Variants in TBC1D1 observed in about 807,000 individuals in gnomAD.
TBC1D1 encodes TBC1 (tre-2/USP6, BUB2, cdc16) domain family, member 1.
TBC1D1 carries 89 observed loss-of-function variants against 125.6 expected under a neutral mutation model. The observed-to-expected ratio is 0.71, with a 90% CI of 0.60 to 0.85. The LOEUF (loss-of-function observed/expected upper bound fraction) is 0.85. Ranked by LOEUF, TBC1D1 falls within the 40% of genes least tolerant of loss-of-function variation. TBC1D1 has a pLI of 0.00. For synonymous variants in TBC1D1, 565 were observed against 564.1 expected (o/e 1.00, Z -0.02); for missense variants, 1,377 against 1,469.2 (o/e 0.94, Z 1.03).
chr4:37,992,941 A>AT (rs1451328070), intron 2 of TBC1D1, among the ~76,000 whole-genome samples: 9 of 151,366 alleles, frequency 5.9e-5, no homozygotes, highest in African/African-American at 2.2e-4. Flanking sequence ...AGTAGCCAGG[A>AT]TTACAGGCGT....
chr4:38,021,862 AGTGGGT>A (rs1744111326), intron 6 of TBC1D1, 144 bp downstream of exon 6: 3 of 942,114 alleles, frequency 3.2e-6, no homozygotes, highest in African/African-American at 3.4e-5. Flanking sequence ...CTCAGTGTGC[AGTGGGT>A]GTCTTCTGTA....
chr4:38,072,091 T>C (rs531530537), intron 12 of TBC1D1, among the ~76,000 whole-genome samples: 20 of 152,328 alleles, frequency 1.3e-4, no homozygotes, highest in African/African-American at 4.6e-4. Flanking sequence ...GAGATAGGGC[T>C]AGCAGTAACT....
At chr4:38,056,849 C>T (rs940789747) in intron 12 of TBC1D1, among the ~76,000 whole-genome samples, 4 of 152,076 alleles carry the variant, frequency 2.6e-5, no homozygotes, top group Non-Finnish European at 5.9e-5. Context: ...AAGTTTTTTT[C>T]CCTCGCATAG....
intron 13 of TBC1D1, among the ~76,000 whole-genome samples, chr4:38,094,780 G>A (rs868577876): frequency 1.3e-5 from 2 of 151,058 alleles, no homozygotes; most frequent in Non-Finnish European, 2.9e-5. Context: ...CAGTGCTGCC[G>A]CCAGTTGCAG....
intron 8 of TBC1D1, among the ~76,000 whole-genome samples, chr4:38,036,773 T>C (rs1364727986): frequency 6.6e-6 from 1 of 152,222 alleles, no homozygotes; most frequent in Non-Finnish European, 1.5e-5. Flanking sequence ...TGAGGTCCTT[T>C]AGCAGTGACT....
At chr4:38,045,104 G>T (rs1364839474) in intron 9 of TBC1D1, among the ~76,000 whole-genome samples, 1 of 152,110 alleles carries the variant, frequency 6.6e-6, no homozygotes, top group East Asian at 1.9e-4. Context: ...TCTATAGAAA[G>T]AACAAAGTAC....
intron 12 of TBC1D1, among the ~76,000 whole-genome samples, chr4:38,081,260 C>G (rs1756497978): frequency 6.6e-6 from 1 of 152,140 alleles, no homozygotes. Context: ...TGCTATAGGC[C>G]ACAGAGGAGG....
chr4:37,942,642 C>T (rs1161665805), intron 2 of TBC1D1, among the ~76,000 whole-genome samples: 1 of 151,980 alleles, frequency 6.6e-6, no homozygotes, highest in Admixed American at 6.6e-5. Flanking sequence ...AGGTTCATGC[C>T]ATTCTCCTGC....
At chr4:37,962,080 G>A (rs991964336) in intron 2 of TBC1D1, among the ~76,000 whole-genome samples, 1 of 152,124 alleles carries the variant, frequency 6.6e-6, no homozygotes, top group Non-Finnish European at 1.5e-5. Context: ...CCCCATGAGG[G>A]CAGGGACCAT....
intron 2 of TBC1D1, among the ~76,000 whole-genome samples, chr4:37,922,865 A>G (rs1721304743): frequency 6.6e-6 from 1 of 152,098 alleles, no homozygotes; most frequent in African/African-American, 2.4e-5. Flanking sequence ...TGGAAAAAGA[A>G]TCTCTCACAG....
intron 2 of TBC1D1, among the ~76,000 whole-genome samples, chr4:37,950,672 T>G (rs1727655546): frequency 1.3e-5 from 2 of 149,780 alleles, no homozygotes; most frequent in African/African-American, 4.9e-5. Flanking sequence ...CACATTATTC[T>G]CACCCAAAAT....
chr4:37,982,596 G>A (rs571727604), intron 2 of TBC1D1, among the ~76,000 whole-genome samples: 1 of 152,310 alleles, frequency 6.6e-6, no homozygotes, highest in Admixed American at 6.5e-5. Flanking sequence ...TAGTTGCTTA[G>A]AGTGTGCCAG....
At chr4:38,012,871 G>C (rs1218685721) in intron 2 of TBC1D1, among the ~76,000 whole-genome samples, 1 of 152,072 alleles carries the variant, frequency 6.6e-6, no homozygotes, top group Non-Finnish European at 1.5e-5. Context: ...TCGGCTCACT[G>C]CAACCTCCGC....
chr4:38,090,384 C>A (rs1279511186), intron 13 of TBC1D1, among the ~76,000 whole-genome samples: 1 of 152,168 alleles, frequency 6.6e-6, no homozygotes, highest in African/African-American at 2.4e-5. Flanking sequence ...AGCTTTAAAT[C>A]TAAGCTCTAA....
intron 12 of TBC1D1, among the ~76,000 whole-genome samples, chr4:38,085,559 C>T (rs1215334764): frequency 6.6e-6 from 1 of 152,086 alleles, no homozygotes; most frequent in Admixed American, 6.6e-5. Context: ...GGCACCAACA[C>T]AGTTGGCCCA....
intron 17 of TBC1D1, among the ~76,000 whole-genome samples, chr4:38,122,230 C>G (rs1763969111): frequency 6.6e-6 from 1 of 152,204 alleles, no homozygotes; most frequent in Non-Finnish European, 1.5e-5. Context: ...GGGTCATACC[C>G]ATAACCTGCA....
At chr4:37,896,329 T>A (rs1193721756) in intron 1 of TBC1D1, among the ~76,000 whole-genome samples, 2 of 151,746 alleles carry the variant, frequency 1.3e-5, no homozygotes, top group Non-Finnish European at 2.9e-5. Context: ...TGTGAAGGAG[T>A]GGAGGGGGCT....
intron 13 of TBC1D1, among the ~76,000 whole-genome samples, chr4:38,094,035 A>G (rs2152543936): frequency 6.6e-6 from 1 of 152,364 alleles, no homozygotes; most frequent in South Asian, 2.1e-4. Flanking sequence ...TATTTAAAAA[A>G]CATTTTTCTT....
At chr4:37,989,418 T>C (rs1736101323) in intron 2 of TBC1D1, among the ~76,000 whole-genome samples, 2 of 152,228 alleles carry the variant, frequency 1.3e-5, no homozygotes, top group Non-Finnish European at 2.9e-5. Context: ...CTTACATATA[T>C]TGATTGATGT....
Sources: allele counts gnomAD v4.1 joint callset (sites outside exome capture counted in the v4.1 genomes callset), GRCh38; gene constraint gnomAD v4.1.1; transcripts MANE v1.5; gene names NCBI Gene and HGNC (gene_info 2026-07-23, HGNC 2026-07-21).